The following CDH12 variants were observed in gnomAD, a reference collection of about 807,000 sequenced individuals.
CDH12 encodes the protein cadherin 12.
In CDH12, 41 loss-of-function variants were observed where a neutral mutation model predicts 74.1. The ratio of observed to expected loss-of-function variants is 0.55; its 90% confidence interval spans 0.43 to 0.72. The LOEUF (loss-of-function observed/expected upper bound fraction) is 0.72, where lower values mean the gene tolerates loss of function less well. CDH12 is among the 30% of genes least tolerant of loss of function. The pLI, the probability that CDH12 is intolerant of heterozygous loss-of-function variation, is 0.00. For missense variants in CDH12, 945 were observed against 977.2 expected, an observed-to-expected ratio of 0.97 and a Z score of 0.44; for synonymous variants, 399 against 355.0, an observed-to-expected ratio of 1.12 and a Z score of -1.39.
rs114267429 is a variant in CDH12 at position 22,813,248 on chromosome 5, G to C, written c.-523+39810C>G. On this transcript the variant is annotated intron_variant, in intron 1 of 14. Transcript: ENST00000382254. ...TAGCCTATATTATGAAGGACAACTA[G>C]AGGTGTAGTATCTTGGACAGATTCC... Among the ~76,000 whole-genome samples the C allele has an allele frequency of 7.6e-3, 1,157 of 152,300 alleles. 15 individuals carry two copies. Among genetic ancestry groups the C allele is most frequent in the African/African-American group, 0.027 (1,103 of 41,558 alleles).
At chr5:22,352,716 G>A (rs1194361565) in intron 3 of CDH12, among the ~76,000 whole-genome samples, 1 of 152,192 alleles carries the variant, frequency 6.6e-6, no homozygotes, top group Non-Finnish European at 1.5e-5. Context: ...AACACTGGAG[G>A]TGGAGCTCTC....
chr5:22,472,600 A>G (rs1362986348), intron 2 of CDH12, among the ~76,000 whole-genome samples: 3 of 152,110 alleles, frequency 2.0e-5, no homozygotes, highest in Non-Finnish European at 2.9e-5. Context: ...CAAAACCAGC[A>G]TCTCTGGCTT....
chr5:22,364,958 G>C (rs1254704352), intron 3 of CDH12, among the ~76,000 whole-genome samples: 1 of 152,178 alleles, frequency 6.6e-6, no homozygotes, highest in Non-Finnish European at 1.5e-5. Context: ...AACAATAGAA[G>C]AAGCTGATTT....
chr5:22,102,895 GC>G (rs1053891194), intron 4 of CDH12, among the ~76,000 whole-genome samples: 43 of 152,106 alleles, frequency 2.8e-4, no homozygotes, highest in African/African-American at 1.0e-3. Context: ...CTCATCAGAT[GC>G]CATGAAATGA....
At chr5:22,231,105 G>T (rs1208985333) in intron 3 of CDH12, among the ~76,000 whole-genome samples, 7 of 152,138 alleles carry the variant, frequency 4.6e-5, no homozygotes, top group Non-Finnish European at 7.4e-5. Context: ...CCTATTTTAT[G>T]ACAATCATGA....
At chr5:22,356,236 C>T (rs1223887219) in intron 3 of CDH12, among the ~76,000 whole-genome samples, 1 of 151,996 alleles carries the variant, frequency 6.6e-6, no homozygotes, top group Non-Finnish European at 1.5e-5. Flanking sequence ...ATGAAAGCCC[C>T]AAATAACAAC....
At chr5:22,484,918 A>T (rs1746527129) in intron 2 of CDH12, among the ~76,000 whole-genome samples, 1 of 152,174 alleles carries the variant, frequency 6.6e-6, no homozygotes, top group South Asian at 2.1e-4. Flanking sequence ...TTGAAGAATG[A>T]GTATATAATT....
At chr5:22,315,093 A>G (rs1191854975) in intron 3 of CDH12, among the ~76,000 whole-genome samples, 1 of 116,382 alleles carries the variant, frequency 8.6e-6, no homozygotes, top group Non-Finnish European at 1.7e-5. Context: ...CCAGGACTAC[A>G]GGCGCCTGCC....
At chr5:21,791,937 T>C (rs1441373445) in intron 10 of CDH12, among the ~76,000 whole-genome samples, 2 of 151,924 alleles carry the variant, frequency 1.3e-5, no homozygotes, top group Non-Finnish European at 2.9e-5. Context: ...ACTACATGTG[T>C]AAAAGGAACT....
chr5:22,533,840 G>C (rs1006311035), intron 1 of CDH12, among the ~76,000 whole-genome samples: 9 of 152,078 alleles, frequency 5.9e-5, no homozygotes, highest in African/African-American at 1.9e-4. Context: ...ATTGTTTAGA[G>C]TTATACACAT....
intron 4 of CDH12, among the ~76,000 whole-genome samples, chr5:22,137,819 A>G (rs1423101461): frequency 1.1e-4 from 17 of 152,238 alleles, no homozygotes; most frequent in Admixed American, 2.6e-4. Flanking sequence ...TGGACCAGCA[A>G]TAAACTGTCA....
intron 1 of CDH12, among the ~76,000 whole-genome samples, chr5:22,628,862 A>G (rs950898205): frequency 3.9e-5 from 6 of 152,074 alleles, no homozygotes; most frequent in African/African-American, 1.4e-4. Context: ...TAGACTAATA[A>G]AGAAAAAAGA....
At chr5:22,111,562 C>T (rs1431720632) in intron 4 of CDH12, among the ~76,000 whole-genome samples, 1 of 152,160 alleles carries the variant, frequency 6.6e-6, no homozygotes, top group Non-Finnish European at 1.5e-5. Context: ...CTTGAATATT[C>T]CCTGCACAGT....
At chr5:21,866,961 AG>A (rs1467622343) in intron 6 of CDH12, among the ~76,000 whole-genome samples, 4 of 152,148 alleles carry the variant, frequency 2.6e-5, no homozygotes, top group African/African-American at 9.7e-5. Context: ...GACACTAAAA[AG>A]GGCCAATGTA....
At chr5:21,992,423 T>G (rs1757791413) in intron 5 of CDH12, among the ~76,000 whole-genome samples, 1 of 152,108 alleles carries the variant, frequency 6.6e-6, no homozygotes, top group Admixed American at 6.6e-5. Context: ...AGCAGGTGCT[T>G]AAGTAGAGAT....
chr5:21,876,135 C>T (rs1751927263), intron 6 of CDH12, among the ~76,000 whole-genome samples: 1 of 152,082 alleles, frequency 6.6e-6, no homozygotes, highest in South Asian at 2.1e-4. Context: ...ACCTCATGTT[C>T]CACCTTCCTC....
At chr5:22,576,564 G>C (rs1739798632) in intron 1 of CDH12, among the ~76,000 whole-genome samples, 1 of 152,188 alleles carries the variant, frequency 6.6e-6, no homozygotes, top group Non-Finnish European at 1.5e-5. Context: ...GCACTAAGCA[G>C]TATCTTCAAC....
intron 10 of CDH12, among the ~76,000 whole-genome samples, chr5:21,793,968 T>C (rs1275930034): frequency 6.6e-6 from 1 of 150,654 alleles, no homozygotes; most frequent in East Asian, 1.9e-4. Context: ...CTGAATAAGG[T>C]TTCATATACT....
intron 1 of CDH12, among the ~76,000 whole-genome samples, chr5:22,626,678 A>G (rs1212358369): frequency 1.3e-5 from 2 of 152,232 alleles, no homozygotes; most frequent in Non-Finnish European, 2.9e-5. Context: ...TGGCAACTCA[A>G]AAAGCCAGAA....
Sources: gnomAD v4.1 joint callset for allele counts (sites outside exome capture counted in the v4.1 genomes callset) on GRCh38, gnomAD v4.1.1 for gene constraint, MANE v1.5 for transcripts, NCBI Gene and HGNC (gene_info 2026-07-23, HGNC 2026-07-21) for gene names.